NLGN1: variants seen among roughly 807,000 people sequenced by gnomAD.
NLGN1 encodes the protein neuroligin 1, also known as neuroligin-1.
A neutral mutation model predicts 65.5 loss-of-function variants in NLGN1; 12 were observed. The ratio of observed to expected loss-of-function variants is 0.18; its 90% CI spans 0.12 to 0.30. NLGN1 has a LOEUF of 0.30. NLGN1 is among the 10% of genes least tolerant of loss of function. NLGN1 has a pLI of 1.00. For synonymous variants in NLGN1, 350 were observed against 359.5 expected, an observed-to-expected ratio of 0.97 and a Z score of 0.30; for missense variants, 750 against 1,007.1, an observed-to-expected ratio of 0.74 and a Z score of 3.46.
chr3:173,983,695 A>C (rs139361738), intron 4 of NLGN1, among the ~76,000 whole-genome samples: 60 of 152,102 alleles, frequency 3.9e-4, no homozygotes, highest in African/African-American at 1.4e-3. Context: ...CTTATTTTCC[A>C]ACTTTCTCAT....
intron 3 of NLGN1, among the ~76,000 whole-genome samples, chr3:173,788,547 A>G (rs1391818772): frequency 6.6e-6 from 1 of 152,100 alleles, no homozygotes; most frequent in Non-Finnish European, 1.5e-5. Context: ...AAATTGGTAT[A>G]AATTATTTCT....
chr3:173,976,078 G>GT (rs1275777800), intron 4 of NLGN1, among the ~76,000 whole-genome samples: 2 of 152,004 alleles, frequency 1.3e-5, no homozygotes, highest in Admixed American at 6.6e-5. Flanking sequence ...TACAATTGGA[G>GT]TTGTGGAGAT....
chr3:174,123,976 T>C (rs1022160054), intron 4 of NLGN1, among the ~76,000 whole-genome samples: 2 of 152,114 alleles, frequency 1.3e-5, no homozygotes, highest in Admixed American at 1.3e-4. Context: ...CCAGTGTGAC[T>C]CTATCTAGAG....
At chr3:173,836,646 G>C (rs1388610325) in intron 4 of NLGN1, among the ~76,000 whole-genome samples, 2 of 152,106 alleles carry the variant, frequency 1.3e-5, no homozygotes, top group African/African-American at 2.4e-5. Flanking sequence ...CTTAAATGTG[G>C]TATTATGATT....
At chr3:173,684,050 C>T (rs1474670832) in intron 3 of NLGN1, among the ~76,000 whole-genome samples, 1 of 151,894 alleles carries the variant, frequency 6.6e-6, no homozygotes, top group Non-Finnish European at 1.5e-5. Context: ...AAACAGTTCA[C>T]AGTAAACAAA....
At chr3:174,152,226 A>T (rs1473126982) in intron 4 of NLGN1, among the ~76,000 whole-genome samples, 1 of 152,186 alleles carries the variant, frequency 6.6e-6, no homozygotes, top group Admixed American at 6.6e-5. Context: ...ATATTCAAAT[A>T]GGAAAAAAGT....
At chr3:173,954,364 G>A (rs1028972186) in intron 4 of NLGN1, among the ~76,000 whole-genome samples, 1 of 151,852 alleles carries the variant, frequency 6.6e-6, no homozygotes, top group Non-Finnish European at 1.5e-5. Flanking sequence ...AATCTTGAGG[G>A]AAGTGTAAAA....
chr3:173,906,781 C>T (rs1444568866), intron 4 of NLGN1, among the ~76,000 whole-genome samples: 2 of 151,282 alleles, frequency 1.3e-5, no homozygotes, highest in Non-Finnish European at 1.5e-5. Flanking sequence ...AGCCTGAGTT[C>T]CAGGCTGCAG....
At chr3:174,065,252 T>C (rs1208844542) in intron 4 of NLGN1, among the ~76,000 whole-genome samples, 1 of 152,034 alleles carries the variant, frequency 6.6e-6, no homozygotes, top group Non-Finnish European at 1.5e-5. Context: ...CTAAAATGTA[T>C]TATCAAAGAG....
At chr3:173,771,267 G>T (rs573763425) in intron 3 of NLGN1, among the ~76,000 whole-genome samples, 1 of 152,144 alleles carries the variant, frequency 6.6e-6, no homozygotes, top group Non-Finnish European at 1.5e-5. Context: ...CAATTTTTGT[G>T]CATAGTAGGT....
At chr3:174,160,344 C>T (rs6799158) in intron 4 of NLGN1, among the ~76,000 whole-genome samples, 38,048 of 151,516 alleles carry the variant, frequency 0.25, 5,772 homozygotes, top group African/African-American at 0.43. Flanking sequence ...AATACATCAG[C>T]ATTCCTCTTC....
At chr3:174,269,893 G>GTTTGA (rs893947115) in intron 4 of NLGN1, among the ~76,000 whole-genome samples, 12 of 151,830 alleles carry the variant, frequency 7.9e-5, no homozygotes, top group African/African-American at 2.9e-4. Context: ...CACAGTGTGG[G>GTTTGA]TTTGATTTGC....
At chr3:174,292,179 T>G in the NLGN1 span, among the ~76,000 whole-genome samples, 8 of 151,248 alleles carry the variant, frequency 5.3e-5, no homozygotes, top group African/African-American at 1.9e-4. Context: ...AGTGTAACTA[T>G]CAGAATGAAC....
At chr3:173,850,637 T>C (rs1726735621) in intron 4 of NLGN1, among the ~76,000 whole-genome samples, 1 of 152,230 alleles carries the variant, frequency 6.6e-6, no homozygotes, top group Non-Finnish European at 1.5e-5. Context: ...TCTTGCTGAT[T>C]TTAAATGTTT....
At chr3:173,787,239 C>T (rs546840508) in intron 3 of NLGN1, among the ~76,000 whole-genome samples, 1 of 152,120 alleles carries the variant, frequency 6.6e-6, no homozygotes, top group African/African-American at 2.4e-5. Context: ...CATCTCTTGC[C>T]TAAAGTCAAC....
intron 4 of NLGN1, among the ~76,000 whole-genome samples, chr3:174,124,055 G>A (rs1301154852): frequency 2.0e-5 from 3 of 152,060 alleles, no homozygotes; most frequent in African/African-American, 7.2e-5. Context: ...TAGTAGGATG[G>A]TGGCCTTTTA....
chr3:173,967,413 T>C (rs1287185631), intron 4 of NLGN1, among the ~76,000 whole-genome samples: 1 of 152,164 alleles, frequency 6.6e-6, no homozygotes, highest in Non-Finnish European at 1.5e-5. Flanking sequence ...CCTTTTGAAA[T>C]AGATGTAGCT....
rs1020888600 is a variant in NLGN1, at chr3:173,647,530, A to G, written c.493+42439A>G. On this transcript the variant is annotated intron_variant, in intron 3 of 6. Coordinates refer to ENST00000457714, the Ensembl canonical transcript of NLGN1. ...CTTAATGGAATTGAAATGGAAATCAATAAAAGAAAGTCTCTGGAAAATTCC... is the reference window on the plus strand; with the variant it reads ...CTTAATGGAATTGAAATGGAAATCAGTAAAAGAAAGTCTCTGGAAAATTCC... Among the ~76,000 whole-genome samples, 4 of 152,138 alleles carry G rather than the reference A, an allele frequency of 2.6e-5. No homozygotes were observed. The East Asian group carries it at 5.8e-4, about 22-fold the overall frequency.
chr3:173,772,695 T>C (rs1779755732), intron 3 of NLGN1, among the ~76,000 whole-genome samples: 1 of 152,128 alleles, frequency 6.6e-6, no homozygotes, highest in South Asian at 2.1e-4. Flanking sequence ...GCTTTTCTTC[T>C]CCTTCAACTT....
Sources: gnomAD v4.1 joint callset for allele counts (sites outside exome capture counted in the v4.1 genomes callset) on GRCh38, gnomAD v4.1.1 for gene constraint, MANE v1.5 for transcripts, NCBI Gene and HGNC (gene_info 2026-07-23, HGNC 2026-07-21) for gene names.